POTEE: variants seen among roughly 807,000 people sequenced by gnomAD.
POTEE encodes the protein ANKRD26-like family C member 1A.
In POTEE, 21 loss-of-function variants were observed where a neutral mutation model predicts 74.2. That is an observed-to-expected ratio of 0.28 (90% CI 0.20 to 0.41). POTEE has a LOEUF of 0.41. Among genes scored for constraint, POTEE ranks in the 10% least tolerant of loss-of-function variants. The probability of loss-of-function intolerance (pLI) is 1.00; values close to 1 mark genes in which losing one functional copy is unlikely to be tolerated. For missense variants in POTEE, 525 were observed against 1,158.6 expected (o/e 0.45, Z 7.94); for synonymous variants, 211 against 432.8 (o/e 0.49, Z 6.36).
intron 4 of POTEE, among the ~76,000 whole-genome samples, chr2:131,222,075 C>T (rs538901338): frequency 6.6e-6 from 1 of 152,184 alleles, no homozygotes; most frequent in African/African-American, 2.4e-5. Context: ...TTCCTCCCTC[C>T]TTTCAAACAG....
chr2:131,230,959 C>G (rs1299871320), intron 9 of POTEE, 53 bp downstream of exon 9: 1 of 1,536,366 alleles, frequency 6.5e-7, no homozygotes, highest in Non-Finnish European at 8.8e-7. Flanking sequence ...ACCTTTTTGA[C>G]ACCAGGGACC....
In POTEE at chr2:131,209,719, C is replaced by G. The variant is rs1270959386; in HGVS notation, c.-445C>G. On this transcript the variant is annotated 5_prime_UTR_variant, in exon 1 of 18. Transcript: ENST00000683005. Reference sequence around the variant, plus strand: ...TAGAAGGGAGCAGCACCGACGCATGCTGGAGGCTGGAGCCTGAGCCCCTGG... The same window carrying G: ...TAGAAGGGAGCAGCACCGACGCATGGTGGAGGCTGGAGCCTGAGCCCCTGG... Among the ~76,000 whole-genome samples, 7 of 152,268 alleles carry G rather than the reference C, an allele frequency of 4.6e-5. No homozygotes were observed. The highest frequency in any genetic ancestry group is 1.0e-4 in the Non-Finnish European group (7 of 68,050).
Position 131,215,196 on chromosome 2 carries a change from C to G in POTEE, c.-188-2393C>G, listed in dbSNP as rs201140424. Among the ~76,000 whole-genome samples the G allele has an allele frequency of 2.1e-4, 32 of 152,128 alleles. No individual in the cohort carries two copies. In the East Asian group the frequency reaches 6.2e-3, roughly 29 times the overall value. On this transcript the variant is annotated intron_variant, in intron 2 of 17. Transcript: ENST00000683005. ...TAGCATTTATGTAGCAATGCTATCTCAAGTATTTTTAATCATTTAAACGTT... is the reference window on the plus strand; with the variant it reads ...TAGCATTTATGTAGCAATGCTATCTGAAGTATTTTTAATCATTTAAACGTT...
At chr2:131,218,178 G>T (rs1206265933) in intron 3 of POTEE, 132 bp from the exon 4 acceptor site, 6 of 916,242 alleles carry the variant, frequency 6.5e-6, no homozygotes, top group African/African-American at 1.7e-5. Context: ...TGGGGTGGGC[G>T]TGGGGTCGCC....
intron 12 of POTEE, among the ~76,000 whole-genome samples, chr2:131,239,951 T>C (rs1279938718): frequency 6.7e-6 from 1 of 150,266 alleles, no homozygotes; most frequent in Non-Finnish European, 1.5e-5. Context: ...GTTCCTGCAT[T>C]AGTTTGCTTA....
chr2:131,222,611 T>C (rs1408673210), intron 4 of POTEE, among the ~76,000 whole-genome samples: 1 of 152,146 alleles, frequency 6.6e-6, no homozygotes, highest in Non-Finnish European at 1.5e-5. Flanking sequence ...AAATCCGTTT[T>C]AAAAGGAGAA....
chr2:131,232,730 A>AG (rs1235594068), intron 9 of POTEE, among the ~76,000 whole-genome samples: 1 of 151,210 alleles, frequency 6.6e-6, no homozygotes, highest in Admixed American at 6.6e-5. Context: ...TTGATATCCT[A>AG]GGATCCCACT....
chr2:131,222,058 G>T (rs1700635046), intron 4 of POTEE, among the ~76,000 whole-genome samples: 1 of 152,276 alleles, frequency 6.6e-6, no homozygotes, highest in East Asian at 1.9e-4. Context: ...AATCTCAATT[G>T]AAGCTTTTCC....
At chr2:131,214,709 T>C (rs1700416414) in intron 2 of POTEE, among the ~76,000 whole-genome samples, 1 of 152,292 alleles carries the variant, frequency 6.6e-6, no homozygotes, top group Non-Finnish European at 1.5e-5. Context: ...AATAAAAATA[T>C]CTTCAAAATT....
intron 9 of POTEE, among the ~76,000 whole-genome samples, chr2:131,235,480 G>C (rs1476230456): frequency 2.0e-5 from 3 of 151,962 alleles, no homozygotes; most frequent in Admixed American, 2.0e-4. Context: ...CAAGGAAGAC[G>C]TTCTCATAGC....
At chr2:131,237,635 T>A (rs1235918774) in intron 10 of POTEE, among the ~76,000 whole-genome samples, 1 of 151,694 alleles carries the variant, frequency 6.6e-6, no homozygotes, top group Non-Finnish European at 1.5e-5. Context: ...TGACAGTATA[T>A]AATCTCAATT....
chr2:131,234,215 A>G (rs1202408657), intron 9 of POTEE, among the ~76,000 whole-genome samples: 2 of 151,888 alleles, frequency 1.3e-5, no homozygotes, highest in African/African-American at 2.4e-5. Flanking sequence ...GATACTCTCC[A>G]TGACCTGTGT....
chr2:131,211,848 T>C (rs1490313136), intron 2 of POTEE, among the ~76,000 whole-genome samples: 1 of 148,968 alleles, frequency 6.7e-6, no homozygotes, highest in South Asian at 2.1e-4. Flanking sequence ...GAGCCACCAC[T>C]CCCGGTCATT....
intron 10 of POTEE, among the ~76,000 whole-genome samples, chr2:131,237,226 T>C (rs1192976824): frequency 0.017 from 2,614 of 149,488 alleles, 3 homozygotes; most frequent in Non-Finnish European, 0.028. Flanking sequence ...TATTAAGCAA[T>C]AGAATTATGA....
At chr2:131,235,451 G>A (rs1174035295) in intron 9 of POTEE, among the ~76,000 whole-genome samples, 1 of 151,892 alleles carries the variant, frequency 6.6e-6, no homozygotes, top group Non-Finnish European at 1.5e-5. Context: ...CTGTTTATCT[G>A]GGGAAAGACA....
chr2:131,211,500 TAAC>T (rs1196214124), intron 2 of POTEE, among the ~76,000 whole-genome samples: 1 of 87,350 alleles, frequency 1.1e-5, no homozygotes, highest in Non-Finnish European at 2.5e-5. Context: ...GTCTCATTCT[TAAC>T]AAAATTTAGG....
intron 5 of POTEE, 69 bp from the exon 6 acceptor site, chr2:131,223,801 G>A (rs1255487494): frequency 6.2e-7 from 1 of 1,607,416 alleles, no homozygotes; most frequent in Non-Finnish European, 8.5e-7. Context: ...ATAACTAGTT[G>A]GTGAAAGCTG....
chr2:131,217,012 A>T (rs1021565959), intron 2 of POTEE, among the ~76,000 whole-genome samples: 1 of 152,252 alleles, frequency 6.6e-6, no homozygotes, highest in Admixed American at 6.5e-5. Context: ...GTGATTGTTT[A>T]ACTAGTTAAT....
At chr2:131,231,950 G>A in intron 9 of POTEE, among the ~76,000 whole-genome samples, 1 of 152,134 alleles carries the variant, frequency 6.6e-6, no homozygotes, top group Non-Finnish European at 1.5e-5. Flanking sequence ...TGGAATAGAT[G>A]TAGTTTTGAT....
Sources: allele counts gnomAD v4.1 joint callset (sites outside exome capture counted in the v4.1 genomes callset), GRCh38; gene constraint gnomAD v4.1.1; transcripts MANE v1.5; gene names NCBI Gene and HGNC (gene_info 2026-07-23, HGNC 2026-07-21).